IRAG1: variants seen among roughly 807,000 people sequenced by gnomAD.
The protein encoded by IRAG1 is IP3R-associated cGMP kinase substrate.
IRAG1 carries 62 observed loss-of-function variants against 106.2 expected under a neutral mutation model. The ratio of observed to expected loss-of-function variants is 0.58; its 90% CI spans 0.48 to 0.72. IRAG1 has a LOEUF of 0.72. IRAG1 is among the 30% of genes least tolerant of loss of function. IRAG1 has a pLI of 0.00. For missense variants in IRAG1, 1,064 were observed against 1,140.7 expected, an observed-to-expected ratio of 0.93 and a Z score of 0.97; for synonymous variants, 462 against 443.9, an observed-to-expected ratio of 1.04 and a Z score of -0.51.
chr11:10,672,284 T>C (rs1247362129), intron 1 of IRAG1, among the ~76,000 whole-genome samples: 1 of 152,174 alleles, frequency 6.6e-6, no homozygotes, highest in Non-Finnish European at 1.5e-5. Context: ...GTTTAGACAA[T>C]GCCTTCTTAG....
At chr11:10,580,631 T>C in intron 19 of IRAG1, 42 bp from the exon 20 acceptor site, 2 of 1,603,414 alleles carry the variant, frequency 1.2e-6, no homozygotes, top group Non-Finnish European at 1.7e-6. Flanking sequence ...AAAGGGCAGA[T>C]GCAGTGCATC....
At chr11:10,682,378 T>C (rs1292234300) in intron 1 of IRAG1, among the ~76,000 whole-genome samples, 2 of 152,236 alleles carry the variant, frequency 1.3e-5, no homozygotes, top group African/African-American at 2.4e-5. Context: ...TTATAAACTA[T>C]AGGAATCGTG....
intron 1 of IRAG1, among the ~76,000 whole-genome samples, chr11:10,663,730 T>C (rs1235567134): frequency 6.6e-6 from 1 of 152,208 alleles, no homozygotes; most frequent in African/African-American, 2.4e-5. Context: ...TCTCAATACC[T>C]GGTGGATCTC....
intron 2 of IRAG1, among the ~76,000 whole-genome samples, chr11:10,638,766 C>A (rs893512375): frequency 1.3e-5 from 2 of 152,088 alleles, no homozygotes; most frequent in East Asian, 3.9e-4. Context: ...TAAGCTGTGT[C>A]TATTTAAAGG....
rs1169112101 is a variant in IRAG1 at position 10,623,872 on chromosome 11, A to G, written c.1369-16T>C. The G allele has an allele frequency of 6.2e-7, 1 of 1,608,890 alleles. No individual in the cohort carries two copies. The highest frequency in any genetic ancestry group is 8.5e-7 in the Non-Finnish European group (1 of 1,175,230). ...GGATGTGCTCCTTTGTGGTAAAAGA[A>G]AGAGATAACAATTTCAGATGATGAC... On this transcript the variant is annotated splice_polypyrimidine_tract_variant and intron_variant, in intron 9 of 20. Coordinates refer to ENST00000423302, the MANE Select transcript of IRAG1 (RefSeq NM_130385.4).
intron 12 of IRAG1, among the ~76,000 whole-genome samples, chr11:10,605,107 A>T (rs576815416): frequency 2.0e-5 from 3 of 152,246 alleles, no homozygotes; most frequent in African/African-American, 4.8e-5. Context: ...TGTTCGGTTA[A>T]GCTTTCTGGA....
intron 14 of IRAG1, among the ~76,000 whole-genome samples, chr11:10,602,537 A>C (rs1345289661): frequency 2.6e-5 from 4 of 152,206 alleles, no homozygotes; most frequent in Non-Finnish European, 5.9e-5. Context: ...TCAGGACTTC[A>C]AAGTGGCCAA....
intron 1 of IRAG1, 92 bp downstream of exon 1, chr11:10,693,444 C>T (rs1862219048): frequency 6.7e-7 from 1 of 1,498,036 alleles, no homozygotes; most frequent in Non-Finnish European, 8.9e-7. Flanking sequence ...TTAGCACCCC[C>T]ATCCCAGCAC....
At chr11:10,630,307 T>G (rs1856590757) in intron 4 of IRAG1, among the ~76,000 whole-genome samples, 1 of 151,188 alleles carries the variant, frequency 6.6e-6, no homozygotes, top group African/African-American at 2.4e-5. Context: ...AAGTCCTCCC[T>G]GCATTTACCT....
intron 1 of IRAG1, among the ~76,000 whole-genome samples, chr11:10,689,730 G>T (rs142629532): frequency 1.5e-3 from 230 of 152,222 alleles, no homozygotes; most frequent in African/African-American, 5.2e-3. Flanking sequence ...ATGGAAAAAG[G>T]ATTATATTAG....
intron 1 of IRAG1, among the ~76,000 whole-genome samples, chr11:10,669,052 C>G (rs1256427899): frequency 6.6e-6 from 1 of 152,172 alleles, no homozygotes; most frequent in African/African-American, 2.4e-5. Context: ...TTCCCATTAT[C>G]CAAGAGTGTA....
intron 1 of IRAG1, among the ~76,000 whole-genome samples, chr11:10,664,131 GAAC>G (rs1399722554): frequency 1.3e-5 from 2 of 152,170 alleles, no homozygotes; most frequent in Non-Finnish European, 2.9e-5. Flanking sequence ...CAGCCAACAA[GAAC>G]AACAGCAGCC....
intron 4 of IRAG1, among the ~76,000 whole-genome samples, chr11:10,630,673 A>G (rs949428795): frequency 3.3e-5 from 5 of 152,158 alleles, no homozygotes; most frequent in Non-Finnish European, 7.4e-5. Context: ...TCAGTGTGGT[A>G]TCCAAACCCT....
In IRAG1 at chr11:10,692,117, G is replaced by A. The variant is rs113864726; in HGVS notation, c.67+1419C>T. 7.6e-3 allele frequency among the ~76,000 whole-genome samples: 1,163 copies of A among 152,232 alleles called. 8 individuals carry two copies. Among genetic ancestry groups the A allele is most frequent in the Admixed American group, 0.018 (278 of 15,294 alleles). On this transcript the variant is annotated intron_variant, in intron 1 of 20. Coordinates refer to ENST00000423302, the MANE Select transcript of IRAG1 (RefSeq NM_130385.4). ...TCCCTCCAAGATGATAAAGGATACA[G>A]GAATGCCTCCCTTACCTCCAAGCAT...
chr11:10,612,689 G>T (rs181310925), intron 10 of IRAG1, among the ~76,000 whole-genome samples: 11 of 152,088 alleles, frequency 7.2e-5, no homozygotes, highest in Non-Finnish European at 1.6e-4. Flanking sequence ...AGGGAAATGT[G>T]CAAGAGACAG....
chr11:10,660,468 A>G (rs1057189600), intron 1 of IRAG1, among the ~76,000 whole-genome samples: 8 of 152,088 alleles, frequency 5.3e-5, no homozygotes, highest in African/African-American at 1.9e-4. Flanking sequence ...TAGTGGGAGT[A>G]TCTATACCAT....
intron 16 of IRAG1, 169 bp from the exon 17 acceptor site, chr11:10,593,768 G>A: frequency 1.7e-6 from 1 of 600,356 alleles, no homozygotes; most frequent in Non-Finnish European, 2.9e-6. Context: ...GGCCAAAGTT[G>A]ACCCAAATTT....
chr11:10,584,567 A>C (rs1851746141), intron 18 of IRAG1, among the ~76,000 whole-genome samples: 1 of 141,212 alleles, frequency 7.1e-6, no homozygotes, highest in Admixed American at 7.2e-5. Context: ...ATATATATAT[A>C]TATATATATA....
chr11:10,604,420 G>A lies in IRAG1; in HGVS notation c.1728C>T (p.Phe576=), dbSNP rs929194530. ...CCACAATTACCGTAATGGAAGCTTT[G>A]AAGTTTTCCAGTTCTTTCTCAGTGT... The part of the protein sequence containing the change: ...EENTEKELEN[F]KASITSSASL... The change falls in exon 13 of 21, where the codon TTC becomes TTT. Residue 576 remains phenylalanine (F), a synonymous_variant. Coordinates refer to ENST00000423302, the MANE Select transcript of IRAG1 (RefSeq NM_130385.4). 1.9e-6 allele frequency: 3 copies of A among 1,614,028 alleles called. No individual in the cohort carries two copies. Among genetic ancestry groups the A allele is most frequent in the African/African-American group, 1.3e-5 (1 of 75,058 alleles).
Sources: gnomAD v4.1 joint callset for allele counts (sites outside exome capture counted in the v4.1 genomes callset) on GRCh38, gnomAD v4.1.1 for gene constraint, MANE v1.5 for transcripts, NCBI Gene and HGNC (gene_info 2026-07-23, HGNC 2026-07-21) for gene names.